Variants in FGF1 observed in about 807,000 individuals in gnomAD.
FGF1 encodes fibroblast growth factor 1, also known as beta-endothelial cell growth factor.
Under a neutral mutation model 13.4 loss-of-function variants are expected in FGF1, and 9 were observed. The ratio of observed to expected loss-of-function variants is 0.67; its 90% CI spans 0.40 to 1.17. The LOEUF is 1.17. Ranked by LOEUF, FGF1 falls within the 50% of genes most tolerant of loss-of-function variation. FGF1 has a pLI of 0.01. For synonymous variants in FGF1, 93 were observed against 79.0 expected (o/e 1.18, Z -0.94); for missense variants, 156 against 192.7 (o/e 0.81, Z 1.13).
Position 142,595,408 on chromosome 5 carries a change from T to C in FGF1, c.350A>G (p.His117Arg). 1 of 1,614,076 alleles carries C rather than the reference T, an allele frequency of 6.2e-7. No homozygotes were observed. Among genetic ancestry groups the C allele is most frequent in the South Asian group, 1.1e-5 (1 of 91,090 alleles). ...GCCAACAAACCAATTCTTCTCTGCA[T>C]GCTTCTTGGATATATAGGTGTTGTA... ...NHYNTYISKK[H>R]AEKNWFVGLK... Residue 117 changes from histidine (H) to arginine (R), a missense_variant, in exon 4 of 4, where the codon CAT becomes CGT. Physicochemically the swap from His to Arg is conservative, Grantham distance 29. Coordinates refer to ENST00000337706, the MANE Select transcript of FGF1 (RefSeq NM_000800.5).
chr5:142,601,652 G>A (rs1312357075), intron 2 of FGF1, among the ~76,000 whole-genome samples: 1 of 152,126 alleles, frequency 6.6e-6, no homozygotes, highest in African/African-American at 2.4e-5. Context: ...AGTGGGTAGA[G>A]GCCAGAGATG....
At chr5:142,617,603 G>A (rs1035416959) in intron 1 of FGF1, among the ~76,000 whole-genome samples, 1 of 152,114 alleles carries the variant, frequency 6.6e-6, no homozygotes, top group African/African-American at 2.4e-5. Flanking sequence ...CTATACTGAT[G>A]TCAGATGGCT....
intron 1 of FGF1, among the ~76,000 whole-genome samples, chr5:142,674,259 A>G (rs897842979): frequency 6.6e-6 from 1 of 152,068 alleles, no homozygotes; most frequent in Non-Finnish European, 1.5e-5. Context: ...TTCGTGTGTT[A>G]TGCTCTATCT....
intron 1 of FGF1, among the ~76,000 whole-genome samples, chr5:142,648,375 G>A (rs1450827784): frequency 6.6e-6 from 1 of 152,058 alleles, no homozygotes; most frequent in African/African-American, 2.4e-5. Context: ...GATGAAGCTG[G>A]AAACCATCAT....
At chr5:142,608,542 CTATATATA>C (rs369107817) in intron 2 of FGF1, among the ~76,000 whole-genome samples, 1,782 of 75,752 alleles carry the variant, frequency 0.024, 31 homozygotes, top group Middle Eastern at 0.066. Context: ...ATATACACAT[CTATATATA>C]TATATATATA....
intron 1 of FGF1, among the ~76,000 whole-genome samples, chr5:142,637,883 G>C (rs1325221087): frequency 1.3e-5 from 2 of 152,044 alleles, no homozygotes; most frequent in Non-Finnish European, 2.9e-5. Context: ...AGCCTGGAGG[G>C]GAAAGGGTGG....
intron 1 of FGF1, among the ~76,000 whole-genome samples, chr5:142,671,135 T>A (rs774550061): frequency 2.0e-5 from 3 of 152,234 alleles, no homozygotes; most frequent in Non-Finnish European, 4.4e-5. Flanking sequence ...GCTCTGACAG[T>A]ATTTAGATTA....
rs1755035138 is a variant in FGF1 at position 142,595,354 on chromosome 5, C to T, written c.404G>A (p.Gly135Asp). 6.2e-7 allele frequency: 1 copy of T among 1,614,032 alleles called. No individual in the cohort carries two copies. The highest frequency in any genetic ancestry group is 8.5e-7 in the Non-Finnish European group (1 of 1,179,950). Residue 135 changes from glycine to aspartate, a missense_variant, in exon 4 of 4, where the codon GGT becomes GAT. Gly to Asp is a moderately conservative substitution (Grantham distance 94, BLOSUM62 -1). Transcript: ENST00000337706. ...GLKKNGSCKRGPRTHYGQKAI... is the reference protein window; with the variant it reads ...GLKKNGSCKRDPRTHYGQKAI... ...TTTCTGGCCATAGTGAGTCCGAGGA[C>T]CGCGTTTGCAGCTCCCATTCTTCTT...
chr5:142,601,144 G>A (rs901875022), intron 2 of FGF1: 4 of 519,546 alleles, frequency 7.7e-6, no homozygotes, highest in South Asian at 1.4e-5. Flanking sequence ...ATCACAGGAG[G>A]AAATGGCACT....
At chr5:142,631,760 T>C (rs989167957) in intron 1 of FGF1, among the ~76,000 whole-genome samples, 3 of 151,354 alleles carry the variant, frequency 2.0e-5, no homozygotes, top group African/African-American at 7.3e-5. Context: ...TCCTTACTTT[T>C]AAATTTTATT....
intron 1 of FGF1, among the ~76,000 whole-genome samples, chr5:142,664,551 G>T (rs879434755): frequency 6.6e-6 from 1 of 152,186 alleles, no homozygotes; most frequent in Admixed American, 6.5e-5. Flanking sequence ...CTAAAATCAG[G>T]CCGTGCAACA....
At chr5:142,648,933 A>T (rs1487659253) in intron 1 of FGF1, among the ~76,000 whole-genome samples, 1 of 152,162 alleles carries the variant, frequency 6.6e-6, no homozygotes. Context: ...GCAGGCCTAG[A>T]CCTAGACAGA....
At chr5:142,604,232 A>G (rs1757169223) in intron 2 of FGF1, among the ~76,000 whole-genome samples, 2 of 152,162 alleles carry the variant, frequency 1.3e-5, no homozygotes, top group Non-Finnish European at 2.9e-5. Flanking sequence ...GCATTGTACA[A>G]CTTAAATAGG....
intron 2 of FGF1, among the ~76,000 whole-genome samples, chr5:142,603,407 C>G (rs139551374): frequency 8.3e-4 from 126 of 152,232 alleles, no homozygotes; most frequent in Admixed American, 1.7e-3. Context: ...CACCCTCCCC[C>G]ACATCCTCTT....
rs542775745 is a variant in FGF1 at position 142,640,430 on chromosome 5, G to C, written c.-34-26269C>G. Among the ~76,000 whole-genome samples the C allele has an allele frequency of 3.3e-5, 5 of 150,370 alleles. 1 individual carries two copies. The highest frequency in any genetic ancestry group is 1.3e-4 in the Admixed American group (2 of 15,164). On this transcript the variant is annotated intron_variant, in intron 1 of 3. Transcript: ENST00000337706. ...GCACCAGGAGGTGGAGTATGGTGGGGGGGGGGGTCTCTCTGAGAAGCGGCA... is the reference window on the plus strand; with the variant it reads ...GCACCAGGAGGTGGAGTATGGTGGGCGGGGGGGTCTCTCTGAGAAGCGGCA...
At chr5:142,690,334 G>A (rs771995018), upstream of FGF1, among the ~76,000 whole-genome samples, 15 of 151,978 alleles carry the variant, frequency 9.9e-5, no homozygotes, top group East Asian at 2.0e-4. Flanking sequence ...GTGAGACTCC[G>A]TCTGGGGAAA....
chr5:142,637,396 T>A (rs967746090), intron 1 of FGF1, among the ~76,000 whole-genome samples: 1 of 149,578 alleles, frequency 6.7e-6, no homozygotes, highest in Non-Finnish European at 1.5e-5. Flanking sequence ...CTCAGCTCAC[T>A]GCAAGCTCCG....
At chr5:142,636,391 A>G (rs1371148771) in intron 1 of FGF1, among the ~76,000 whole-genome samples, 1 of 152,198 alleles carries the variant, frequency 6.6e-6, no homozygotes, top group Non-Finnish European at 1.5e-5. Context: ...GTCCTGTTAC[A>G]TTTCAGTTTG....
chr5:142,618,142 C>G (rs1271277255), intron 1 of FGF1, among the ~76,000 whole-genome samples: 2 of 152,176 alleles, frequency 1.3e-5, no homozygotes, highest in African/African-American at 4.8e-5. Context: ...GTGCACGAAG[C>G]CTAGCCCTTT....
Sources: allele counts gnomAD v4.1 joint callset (sites outside exome capture counted in the v4.1 genomes callset), GRCh38; gene constraint gnomAD v4.1.1; transcripts MANE v1.5; gene names NCBI Gene and HGNC (gene_info 2026-07-23, HGNC 2026-07-21).